The following RALGPS1 variants were observed in gnomAD, a reference collection of about 807,000 sequenced individuals.
RALGPS1 encodes the protein Ral GEF with PH domain and SH3 binding motif 1, also known as ras-specific guanine nucleotide-releasing factor RalGPS1.
In RALGPS1, 19 loss-of-function variants were observed where a neutral mutation model predicts 78.8. That is an observed-to-expected ratio of 0.24 (90% confidence interval 0.17 to 0.35). The LOEUF is 0.35. Ranked by LOEUF, RALGPS1 falls within the 10% of genes least tolerant of loss-of-function variation. RALGPS1 has a pLI of 1.00. For synonymous variants in RALGPS1, 228 were observed against 256.3 expected, an observed-to-expected ratio of 0.89 and a Z score of 1.06; for missense variants, 454 against 688.3, an observed-to-expected ratio of 0.66 and a Z score of 3.81.
At chr9:127,175,326 G>A (rs1588338056) in intron 11 of RALGPS1, among the ~76,000 whole-genome samples, 1 of 152,204 alleles carries the variant, frequency 6.6e-6, no homozygotes, top group Non-Finnish European at 1.5e-5. Flanking sequence ...ATCTTCAGTG[G>A]CCTCATCCAC....
At chr9:127,015,559 G>A (rs1420404143) in intron 4 of RALGPS1, among the ~76,000 whole-genome samples, 1 of 152,126 alleles carries the variant, frequency 6.6e-6, no homozygotes, top group African/African-American at 2.4e-5. Context: ...GGTTATCTCA[G>A]TGTGTTCCCA....
chr9:127,151,336 G>A (rs2058410366), intron 8 of RALGPS1, among the ~76,000 whole-genome samples: 1 of 151,406 alleles, frequency 6.6e-6, no homozygotes, highest in Non-Finnish European at 1.5e-5. Flanking sequence ...TATCTCTTTG[G>A]GTCTTTATAT....
intron 4 of RALGPS1, among the ~76,000 whole-genome samples, chr9:126,986,819 T>C (rs1186969839): frequency 1.3e-5 from 2 of 152,168 alleles, no homozygotes; most frequent in Non-Finnish European, 2.9e-5. Context: ...GAAGCTGAGG[T>C]TGAGTCACAG....
chr9:126,994,030 C>T (rs894076176), intron 4 of RALGPS1, among the ~76,000 whole-genome samples: 19 of 152,138 alleles, frequency 1.2e-4, no homozygotes, highest in African/African-American at 3.9e-4. Flanking sequence ...CCCATCTGTA[C>T]GTCACCATCA....
At chr9:127,094,470 C>T (rs1219121148) in intron 8 of RALGPS1, among the ~76,000 whole-genome samples, 2 of 152,266 alleles carry the variant, frequency 1.3e-5, no homozygotes, top group East Asian at 1.9e-4. Flanking sequence ...GACTCCACGT[C>T]TGCCCTTCCA....
chr9:127,074,741 G>GC (rs2050528313), intron 8 of RALGPS1, among the ~76,000 whole-genome samples: 1 of 152,258 alleles, frequency 6.6e-6, no homozygotes, highest in Non-Finnish European at 1.5e-5. Flanking sequence ...GTGAGAGGTT[G>GC]CCTAAGGTCA....
chr9:127,027,311 G>A (rs759771504), intron 4 of RALGPS1, among the ~76,000 whole-genome samples: 3 of 152,122 alleles, frequency 2.0e-5, no homozygotes, highest in Non-Finnish European at 4.4e-5. Context: ...ATTTGAACAC[G>A]CAACCTGTTT....
At chr9:126,977,776 C>T in intron 4 of RALGPS1, 31 bp downstream of exon 4, 2 of 1,522,750 alleles carry the variant, frequency 1.3e-6, no homozygotes, top group Non-Finnish European at 9.0e-7. Context: ...CTCTTCTATT[C>T]ATGCTGTGGG....
intron 4 of RALGPS1, among the ~76,000 whole-genome samples, chr9:127,018,014 T>G (rs2045034225): frequency 1.3e-5 from 2 of 149,380 alleles, no homozygotes; most frequent in African/African-American, 4.9e-5. Context: ...GTCAGGAGTT[T>G]GAGACCAGCC....
chr9:127,210,627 T>C (rs2062195055), intron 14 of RALGPS1: 1 of 1,229,014 alleles, frequency 8.1e-7, no homozygotes, highest in Non-Finnish European at 1.2e-6. Context: ...GTCGGGGTGC[T>C]CTTGCCTCCT....
At chr9:126,953,801 A>G (rs1490838096) in intron 1 of RALGPS1, among the ~76,000 whole-genome samples, 3 of 152,184 alleles carry the variant, frequency 2.0e-5, no homozygotes, top group African/African-American at 7.2e-5. Flanking sequence ...AGAAGGCAAG[A>G]TGCTGTTGCT....
intron 13 of RALGPS1, 79 bp downstream of exon 13, chr9:127,196,710 T>C: frequency 6.9e-7 from 1 of 1,454,458 alleles, no homozygotes; most frequent in African/African-American, 1.4e-5. Context: ...TCTGTGTCAC[T>C]GTGCCATGCC....
intron 1 of RALGPS1, among the ~76,000 whole-genome samples, chr9:126,960,190 C>CCCTTCCTT (rs1385185838): frequency 5.1e-4 from 40 of 78,566 alleles, no homozygotes; most frequent in African/African-American, 2.2e-3. Flanking sequence ...CTCCCTCCCT[C>CCCTTCCTT]CCTTCCTTCC....
At position 127,221,135 on chromosome 9, in the gene RALGPS1, A is replaced by T. The variant is rs2062762665; in HGVS notation, c.*2366A>T. On this transcript the variant is annotated 3_prime_UTR_variant, in exon 19 of 19. Transcript: ENST00000259351. The stretch of plus-strand genomic sequence containing the variant: ...AAGCTGGAAGACACTCAGCTCTCTA[A>T]GCAGGGGCTCGGCCAAACATGGGAG... The T allele has an allele frequency of 6.6e-6, 1 of 152,194 alleles. No individual in the cohort carries two copies. The highest frequency in any genetic ancestry group is 1.5e-5 in the Non-Finnish European group (1 of 68,028). 9.4% of individuals were successfully genotyped at this position (152,194 alleles called of 1,614,324 possible). A position where few individuals can be genotyped will look rare whatever the true frequency, so the allele number is the denominator to read the frequency against.
intron 14 of RALGPS1, among the ~76,000 whole-genome samples, chr9:127,208,947 T>A (rs1343397595): frequency 6.6e-6 from 1 of 152,078 alleles, no homozygotes; most frequent in East Asian, 1.9e-4. Flanking sequence ...GGCATCACAT[T>A]CTCCTCAGGT....
At position 127,050,057 on chromosome 9, in the gene RALGPS1, T is replaced by A. The variant is rs1290590625; in HGVS notation, c.315T>A (p.Val105=). 1.2e-6 allele frequency: 2 copies of A among 1,613,776 alleles called. No individual in the cohort carries two copies. Among genetic ancestry groups the A allele is most frequent in the Non-Finnish European group, 1.7e-6 (2 of 1,179,662 alleles). ...TGACTCTACAGGTCAGTTTTTGGGTTGTACGAGAAATTCTAACAGCACAGA... is the reference window on the plus strand; with the variant it reads ...TGACTCTACAGGTCAGTTTTTGGGTAGTACGAGAAATTCTAACAGCACAGA... The part of the protein sequence containing the change: ...TRRFNQVSFW[V]VREILTAQTL... Residue 105 remains valine, a synonymous_variant, in exon 6 of 19, where the codon GTT becomes GTA. Coordinates refer to ENST00000259351, the MANE Select transcript of RALGPS1 (RefSeq NM_014636.3).
chr9:127,166,243 GTCA>G, intron 9 of RALGPS1, 37 bp downstream of exon 9: 1 of 1,607,096 alleles, frequency 6.2e-7, no homozygotes, highest in Non-Finnish European at 8.5e-7. Flanking sequence ...GAAATCTTAC[GTCA>G]TTGAAATTTG....
chr9:127,078,398 A>G (rs532298854), intron 8 of RALGPS1, among the ~76,000 whole-genome samples: 7 of 152,314 alleles, frequency 4.6e-5, no homozygotes, highest in African/African-American at 1.7e-4. Flanking sequence ...ATGAAGAAAA[A>G]AAACATAGCT....
intron 1 of RALGPS1, among the ~76,000 whole-genome samples, chr9:126,933,537 C>T (rs1339794522): frequency 1.3e-5 from 2 of 152,088 alleles, no homozygotes; most frequent in African/African-American, 4.8e-5. Context: ...TGGGAGTGCA[C>T]CCCAAGTCCA....
Sources: allele counts gnomAD v4.1 joint callset (sites outside exome capture counted in the v4.1 genomes callset), GRCh38; gene constraint gnomAD v4.1.1; transcripts MANE v1.5; gene names NCBI Gene and HGNC (gene_info 2026-07-23, HGNC 2026-07-21).